Variants in ARL15 observed in about 807,000 individuals in gnomAD.
ARL15 encodes the protein ARF like GTPase 15.
ARL15 carries 19 observed loss-of-function variants against 25.2 expected under a neutral mutation model. The observed-to-expected ratio is 0.75, with a 90% CI of 0.53 to 1.10. The LOEUF is 1.10. Ranked by LOEUF, ARL15 falls within the 50% of genes least tolerant of loss-of-function variation. ARL15 has a pLI of 0.00. For missense variants in ARL15, 220 were observed against 246.0 expected (o/e 0.89, Z 0.71); for synonymous variants, 94 against 86.8 (o/e 1.08, Z -0.46).
intron 3 of ARL15, among the ~76,000 whole-genome samples, chr5:54,127,453 A>C (rs1329524690): frequency 1.3e-5 from 2 of 149,440 alleles, no homozygotes; most frequent in Non-Finnish European, 3.0e-5. Flanking sequence ...TAGGAATCCA[A>C]CTTACAAGGG....
At chr5:54,082,023 G>A (rs970915140) in intron 4 of ARL15, among the ~76,000 whole-genome samples, 6 of 148,228 alleles carry the variant, frequency 4.0e-5, no homozygotes, top group South Asian at 2.2e-4. Flanking sequence ...CCCAGGAGGC[G>A]GAGGTTGTAG....
At chr5:54,261,553 C>CA (rs529725614) in intron 1 of ARL15, among the ~76,000 whole-genome samples, 1,437 of 137,892 alleles carry the variant, frequency 0.01, 13 homozygotes, top group African/African-American at 0.026. Context: ...ACTAAATATG[C>CA]AAAAAAAAAA....
At chr5:54,020,989 C>T (rs143437805) in intron 4 of ARL15, among the ~76,000 whole-genome samples, 1 of 151,576 alleles carries the variant, frequency 6.6e-6, no homozygotes, top group East Asian at 2.0e-4. Context: ...GACACTAACA[C>T]CAAGACACAG....
intron 1 of ARL15, among the ~76,000 whole-genome samples, chr5:54,291,047 TG>T (rs1244251535): frequency 6.6e-6 from 1 of 152,240 alleles, no homozygotes; most frequent in Non-Finnish European, 1.5e-5. Context: ...CAGGAGAACG[TG>T]GTCTAACAAC....
chr5:54,250,565 A>T (rs1429373700), intron 1 of ARL15, among the ~76,000 whole-genome samples: 1 of 152,222 alleles, frequency 6.6e-6, no homozygotes, highest in Non-Finnish European at 1.5e-5. Flanking sequence ...TGAGGAGTAG[A>T]AATGAAGGTC....
At chr5:53,929,848 G>A (rs1298014382) in intron 4 of ARL15, among the ~76,000 whole-genome samples, 1 of 152,092 alleles carries the variant, frequency 6.6e-6, no homozygotes, top group African/African-American at 2.4e-5. Flanking sequence ...GGACAGCTGG[G>A]ACTCTTCTAT....
At chr5:53,890,958 GGATCTCT>G (rs1341831883) in intron 4 of ARL15, among the ~76,000 whole-genome samples, 1 of 152,114 alleles carries the variant, frequency 6.6e-6, no homozygotes, top group Non-Finnish European at 1.5e-5. Flanking sequence ...CCTAGGTCCA[GGATCTCT>G]AACGGGGCAG....
chr5:54,200,093 A>G (rs1755670333), intron 1 of ARL15, among the ~76,000 whole-genome samples: 1 of 143,430 alleles, frequency 7.0e-6, no homozygotes, highest in African/African-American at 2.6e-5. Flanking sequence ...GAATTGAACA[A>G]TGAGAACACA....
chr5:54,115,060 C>T (rs1258511840), intron 3 of ARL15, among the ~76,000 whole-genome samples: 1 of 152,160 alleles, frequency 6.6e-6, no homozygotes, highest in African/African-American at 2.4e-5. Flanking sequence ...CAGTGACATC[C>T]TGTTGGTAGC....
Position 53,998,494 on chromosome 5 carries a change from C to T in ARL15, c.463-111781G>A, listed in dbSNP as rs201509278. 1.6e-4 allele frequency among the ~76,000 whole-genome samples: 25 copies of T among 152,238 alleles called. No homozygotes were observed. In the East Asian group the frequency reaches 3.3e-3, roughly 20 times the overall value. The stretch of plus-strand genomic sequence containing the variant: ...AGTGGCTACTGTATACAAGGCACTG[C>T]GGTTCAGCACTTGGGTTATATAAAG... On this transcript the variant is annotated intron_variant, in intron 4 of 4. Transcript: ENST00000504924.
At chr5:54,270,623 A>G (rs1339667114) in intron 1 of ARL15, among the ~76,000 whole-genome samples, 1 of 152,248 alleles carries the variant, frequency 6.6e-6, no homozygotes, top group African/African-American at 2.4e-5. Context: ...GAACAAAACA[A>G]GAAATCCCCT....
rs141640012 is a variant in ARL15 at position 54,009,520 on chromosome 5, A to T, written c.462+103682T>A. ...CATTTGCTAGGTAGGTAACTGTTTCAGGTCAAAAAACATTGCCCTGAACTC... is the reference window on the plus strand; with the variant it reads ...CATTTGCTAGGTAGGTAACTGTTTCTGGTCAAAAAACATTGCCCTGAACTC... On this transcript the variant is annotated intron_variant, in intron 4 of 4. Transcript: ENST00000504924. 2.6e-4 allele frequency among the ~76,000 whole-genome samples: 40 copies of T among 152,218 alleles called. No homozygotes were observed. The East Asian group carries it at 7.1e-3, about 27-fold the overall frequency.
At chr5:53,916,376 G>C (rs2111998482) in intron 4 of ARL15, among the ~76,000 whole-genome samples, 1 of 151,818 alleles carries the variant, frequency 6.6e-6, no homozygotes, top group Middle Eastern at 3.4e-3. Flanking sequence ...GGAGGAGGGA[G>C]AGATTTGAAG....
chr5:53,998,031 GAAGA>G (rs1748737596), intron 4 of ARL15, among the ~76,000 whole-genome samples: 1 of 151,858 alleles, frequency 6.6e-6, no homozygotes. Context: ...GCTGGGAGAG[GAAGA>G]AAGAGACTCA....
chr5:53,942,165 G>A (rs931909708), intron 4 of ARL15, among the ~76,000 whole-genome samples: 1 of 152,060 alleles, frequency 6.6e-6, no homozygotes, highest in African/African-American at 2.4e-5. Context: ...GCTCATGTGG[G>A]CACTGAGAGA....
intron 1 of ARL15, among the ~76,000 whole-genome samples, chr5:54,308,377 T>C (rs1423971347): frequency 6.6e-6 from 1 of 151,120 alleles, no homozygotes; most frequent in South Asian, 2.1e-4. Context: ...GAATTTTAGA[T>C]GGATAAAGTG....
At chr5:53,932,240 G>A (rs1046948244) in intron 4 of ARL15, among the ~76,000 whole-genome samples, 4 of 152,192 alleles carry the variant, frequency 2.6e-5, no homozygotes, top group Admixed American at 2.0e-4. Context: ...AAAGAATCAG[G>A]ATAAAGGATG....
intron 1 of ARL15, among the ~76,000 whole-genome samples, chr5:54,269,050 A>G (rs1259529135): frequency 2.6e-5 from 4 of 151,016 alleles, no homozygotes; most frequent in Non-Finnish European, 5.9e-5. Flanking sequence ...GAAGGGGAAC[A>G]TCACACTCTG....
chr5:54,148,409 A>C (rs1753972107), intron 3 of ARL15, among the ~76,000 whole-genome samples: 1 of 152,236 alleles, frequency 6.6e-6, no homozygotes, highest in Non-Finnish European at 1.5e-5. Flanking sequence ...AAAATGGCTT[A>C]GCTGACAATC....
Sources: allele counts gnomAD v4.1 joint callset (sites outside exome capture counted in the v4.1 genomes callset), GRCh38; gene constraint gnomAD v4.1.1; transcripts MANE v1.5; gene names NCBI Gene and HGNC (gene_info 2026-07-23, HGNC 2026-07-21).